Variants in NOS1AP observed in about 807,000 individuals in gnomAD.
NOS1AP encodes nitric oxide synthase 1 adaptor protein, also known as carboxyl-terminal PDZ ligand of neuronal nitric oxide synthase protein.
In NOS1AP, 21 loss-of-function variants were observed where a neutral mutation model predicts 56.2. The ratio of observed to expected loss-of-function variants is 0.37; its 90% CI spans 0.26 to 0.54. The LOEUF is 0.54. NOS1AP is among the 20% of genes least tolerant of loss of function. NOS1AP has a pLI of 0.84. For missense variants in NOS1AP, 522 were observed against 657.8 expected, an observed-to-expected ratio of 0.79 and a Z score of 2.26; for synonymous variants, 270 against 274.6, an observed-to-expected ratio of 0.98 and a Z score of 0.17.
At position 162,204,182 on chromosome 1, in the gene NOS1AP, C is replaced by T. The variant is rs139356348; in HGVS notation, c.177+49706C>T. 5.3e-4 allele frequency among the ~76,000 whole-genome samples: 80 copies of T among 152,332 alleles called. 1 individual carries two copies. The East Asian group carries it at 0.01, about 20-fold the overall frequency. On this transcript the variant is annotated intron_variant, in intron 2 of 9. Transcript: ENST00000361897. ...GCCCAAAAGGGCACAAGCAAATGAC[C>T]TGGCCTGGTTGACTTCACTTTGTGT...
At chr1:162,340,079 A>G (rs987004816) in intron 5 of NOS1AP, among the ~76,000 whole-genome samples, 6 of 152,182 alleles carry the variant, frequency 3.9e-5, no homozygotes, top group Non-Finnish European at 2.9e-5. Context: ...ATGTGTATGT[A>G]TGTAGTCATT....
At chr1:162,277,401 CT>C (rs1654776763) in intron 2 of NOS1AP, among the ~76,000 whole-genome samples, 2 of 152,224 alleles carry the variant, frequency 1.3e-5, no homozygotes, top group African/African-American at 4.8e-5. Flanking sequence ...CAAGAATTAC[CT>C]TCTTCATCAT....
intron 1 of NOS1AP, among the ~76,000 whole-genome samples, chr1:162,074,355 T>C (rs934783186): frequency 2.6e-5 from 4 of 152,192 alleles, no homozygotes; most frequent in African/African-American, 9.6e-5. Context: ...AAACCTGAAG[T>C]ATTAATAGTT....
chr1:162,219,392 C>A (rs1652692176), intron 2 of NOS1AP, among the ~76,000 whole-genome samples: 9 of 152,164 alleles, frequency 5.9e-5, no homozygotes, highest in Admixed American at 5.9e-4. Flanking sequence ...CATCTCCAGG[C>A]CCCAAGAATC....
intron 2 of NOS1AP, among the ~76,000 whole-genome samples, chr1:162,204,836 G>A (rs539093995): frequency 3.4e-4 from 52 of 152,186 alleles, no homozygotes; most frequent in Non-Finnish European, 7.1e-4. Context: ...GACTGTACGT[G>A]CACATGTGTG....
chr1:162,149,804 G>A (rs1649635104), intron 1 of NOS1AP, among the ~76,000 whole-genome samples: 1 of 152,090 alleles, frequency 6.6e-6, no homozygotes, highest in African/African-American at 2.4e-5. Flanking sequence ...AGTGATTCTT[G>A]TTTGTAATTT....
chr1:162,366,153 G>C (rs1161902367), intron 9 of NOS1AP, among the ~76,000 whole-genome samples: 2 of 152,132 alleles, frequency 1.3e-5, no homozygotes, highest in Admixed American at 6.5e-5. Context: ...CAGTACCCCT[G>C]GGCTGGGCTG....
Position 162,242,773 on chromosome 1 carries a change from C to G in NOS1AP, c.178-44571C>G, listed in dbSNP as rs143965884. 2.0e-3 allele frequency among the ~76,000 whole-genome samples: 304 copies of G among 152,294 alleles called. 1 individual carries two copies. Among genetic ancestry groups the G allele is most frequent in the Middle Eastern group, 3.4e-3 (1 of 294 alleles). ...AGAAAGCAGCAACTCAGGGGATCCA[C>G]TAGAGATAGGGCTCAAATCACTAGA... On this transcript the variant is annotated intron_variant, in intron 2 of 9. Transcript: ENST00000361897.
At chr1:162,144,572 CTTT>C (rs1553258969) in intron 1 of NOS1AP, among the ~76,000 whole-genome samples, 1 of 12,138 alleles carries the variant, frequency 8.2e-5, no homozygotes, top group Non-Finnish European at 2.0e-4. Flanking sequence ...GTTGGACTTT[CTTT>C]TCTTTTCTTT....
At chr1:162,106,463 G>T (rs1313746518) in intron 1 of NOS1AP, among the ~76,000 whole-genome samples, 1 of 152,046 alleles carries the variant, frequency 6.6e-6, no homozygotes, top group East Asian at 1.9e-4. Flanking sequence ...TTGCTACTGG[G>T]GGCTGGTATT....
intron 1 of NOS1AP, among the ~76,000 whole-genome samples, chr1:162,107,773 C>T (rs1401656430): frequency 2.6e-5 from 4 of 152,138 alleles, no homozygotes; most frequent in African/African-American, 9.7e-5. Context: ...CTTTAAAACA[C>T]AGGGATTTGA....
At chr1:162,228,317 G>A (rs1014237714) in intron 2 of NOS1AP, among the ~76,000 whole-genome samples, 50 of 152,318 alleles carry the variant, frequency 3.3e-4, no homozygotes, top group African/African-American at 1.1e-3. Context: ...TTTACTGTGA[G>A]TGTAAATAGA....
intron 1 of NOS1AP, among the ~76,000 whole-genome samples, chr1:162,094,036 G>A (rs547572518): frequency 1.7e-4 from 26 of 152,298 alleles, no homozygotes; most frequent in East Asian, 1.2e-3. Flanking sequence ...CTCAATAGGC[G>A]TAAGTGCTTG....
chr1:162,308,514 T>G (rs1418966700), intron 4 of NOS1AP, among the ~76,000 whole-genome samples: 1 of 152,158 alleles, frequency 6.6e-6, no homozygotes, highest in Non-Finnish European at 1.5e-5. Context: ...CAGGCGGGGC[T>G]GGTGCTGAGG....
chr1:162,218,223 T>C (rs1450993217), intron 2 of NOS1AP, among the ~76,000 whole-genome samples: 2 of 152,196 alleles, frequency 1.3e-5, no homozygotes, highest in Non-Finnish European at 2.9e-5. Context: ...AAAACACTGC[T>C]CTAGGAGAAA....
chr1:162,190,664 A>C (rs554734681), intron 2 of NOS1AP, among the ~76,000 whole-genome samples: 1 of 152,240 alleles, frequency 6.6e-6, no homozygotes, highest in East Asian at 1.9e-4. Context: ...ATTATTGTTA[A>C]CTATAGTTAT....
At chr1:162,254,720 A>G (rs1653972379) in intron 2 of NOS1AP, among the ~76,000 whole-genome samples, 1 of 152,232 alleles carries the variant, frequency 6.6e-6, no homozygotes, top group African/African-American at 2.4e-5. Flanking sequence ...ATAGTATGCC[A>G]TAGTTTATAG....
chr1:162,127,756 G>A (rs539371666), intron 1 of NOS1AP, among the ~76,000 whole-genome samples: 4 of 152,282 alleles, frequency 2.6e-5, no homozygotes, highest in African/African-American at 9.6e-5. Flanking sequence ...CGCAAGGACA[G>A]TACCAAATGG....
intron 2 of NOS1AP, among the ~76,000 whole-genome samples, chr1:162,283,494 C>T (rs937175679): frequency 3.3e-5 from 5 of 152,082 alleles, no homozygotes; most frequent in Non-Finnish European, 4.4e-5. Flanking sequence ...ACTGGGGTGT[C>T]AGGAGATGAT....
Sources: allele counts gnomAD v4.1 joint callset (sites outside exome capture counted in the v4.1 genomes callset), GRCh38; gene constraint gnomAD v4.1.1; transcripts MANE v1.5; gene names NCBI Gene and HGNC (gene_info 2026-07-23, HGNC 2026-07-21).